The following CNTN4 variants were observed in gnomAD, a reference collection of about 807,000 sequenced individuals.
CNTN4 encodes the protein contactin-4.
In CNTN4, 77 loss-of-function variants were observed where a neutral mutation model predicts 122.5. The observed-to-expected ratio is 0.63, with a 90% CI of 0.52 to 0.76. The LOEUF (loss-of-function observed/expected upper bound fraction) is 0.76, where lower values mean the gene tolerates loss of function less well. CNTN4 is among the 30% of genes least tolerant of loss of function. The probability of loss-of-function intolerance (pLI) is 0.00; values close to 1 mark genes in which losing one functional copy is unlikely to be tolerated. For synonymous variants in CNTN4, 512 were observed against 447.0 expected (o/e 1.15, Z -1.83); for missense variants, 1,256 against 1,259.1 (o/e 1.00, Z 0.04).
At chr3:2,585,389 C>T (rs56011304) in intron 4 of CNTN4, among the ~76,000 whole-genome samples, 23,435 of 151,438 alleles carry the variant, frequency 0.15, 2,075 homozygotes, top group Middle Eastern at 0.21. Context: ...CACATGCACA[C>T]GTATGTTTAT....
chr3:2,975,031 C>CA (rs937500955), intron 13 of CNTN4, among the ~76,000 whole-genome samples: 25 of 152,130 alleles, frequency 1.6e-4, no homozygotes, highest in African/African-American at 6.0e-4. Context: ...GTCTTCCAGG[C>CA]ATTTTAGTTA....
intron 2 of CNTN4, among the ~76,000 whole-genome samples, chr3:2,187,614 G>A (rs1029052746): frequency 1.6e-4 from 24 of 152,198 alleles, no homozygotes; most frequent in Middle Eastern, 3.4e-3. Context: ...ACATTCTGCC[G>A]GGTTCCGTCT....
intron 3 of CNTN4, among the ~76,000 whole-genome samples, chr3:2,354,501 A>G (rs1162836270): frequency 2.0e-5 from 3 of 152,220 alleles, no homozygotes; most frequent in African/African-American, 7.2e-5. Flanking sequence ...ACTGCACTGC[A>G]GCCTGGGTGG....
Position 2,694,036 on chromosome 3 carries a change from A to G in CNTN4, c.56-42179A>G, listed in dbSNP as rs188039982. Among the ~76,000 whole-genome samples the G allele has an allele frequency of 3.9e-3, 599 of 152,192 alleles. 7 individuals carry two copies. The highest frequency in any genetic ancestry group is 5.0e-3 in the Admixed American group (77 of 15,266). ...CCACTTCCCCGTTTACTTACATCTT[A>G]TACTCAAATTATATTAAACTCTCCA... On this transcript the variant is annotated intron_variant, in intron 4 of 24. Transcript: ENST00000418658.
intron 7 of CNTN4, among the ~76,000 whole-genome samples, chr3:2,848,951 T>C (rs1374508020): frequency 6.6e-6 from 1 of 152,192 alleles, no homozygotes; most frequent in Non-Finnish European, 1.5e-5. Context: ...GGAGAAATGA[T>C]TCCTGATTTT....
intron 6 of CNTN4, among the ~76,000 whole-genome samples, chr3:2,755,199 G>C (rs536956349): frequency 1.3e-5 from 2 of 152,144 alleles, no homozygotes; most frequent in Non-Finnish European, 2.9e-5. Context: ...CAGTCGATCA[G>C]AACAGTAGCT....
intron 3 of CNTN4, among the ~76,000 whole-genome samples, chr3:2,431,151 A>C (rs1183957682): frequency 1.3e-5 from 2 of 152,242 alleles, no homozygotes; most frequent in Non-Finnish European, 2.9e-5. Context: ...AAAAATCATG[A>C]ATAATCTAAT....
chr3:2,222,132 A>C (rs907259011), intron 2 of CNTN4, among the ~76,000 whole-genome samples: 1 of 152,214 alleles, frequency 6.6e-6, no homozygotes, highest in African/African-American at 2.4e-5. Context: ...ATAGTTGCCA[A>C]AAAGTGGAAT....
In CNTN4 at chr3:2,758,388, T is replaced by C. The variant is rs530612516; in HGVS notation, c.358+12691T>C. On this transcript the variant is annotated intron_variant, in intron 6 of 24. Coordinates refer to ENST00000418658, the MANE Select transcript of CNTN4 (RefSeq NM_175607.3). ...ATTTCCTCTTGAATATTCTATTTCC[T>C]TAAACAAAGAAATAGAATATTCTAT... Among the ~76,000 whole-genome samples the C allele has an allele frequency of 5.3e-5, 8 of 152,276 alleles. No homozygotes were observed. The South Asian group carries it at 1.7e-3, about 32-fold the overall frequency.
At chr3:2,363,324 T>A (rs1239013118) in intron 3 of CNTN4, among the ~76,000 whole-genome samples, 2 of 152,222 alleles carry the variant, frequency 1.3e-5, no homozygotes, top group African/African-American at 4.8e-5. Flanking sequence ...CTCTTCTTCC[T>A]CTAAAGCAGG....
chr3:2,902,310 C>T (rs2094183564), intron 11 of CNTN4, among the ~76,000 whole-genome samples: 1 of 152,128 alleles, frequency 6.6e-6, no homozygotes, highest in East Asian at 1.9e-4. Context: ...TTGGCCGCCA[C>T]CAGATGGTCC....
intron 7 of CNTN4, among the ~76,000 whole-genome samples, chr3:2,835,882 ATGG>A (rs2093214474): frequency 6.6e-6 from 1 of 152,140 alleles, no homozygotes; most frequent in Non-Finnish European, 1.5e-5. Context: ...CCTAGGGGAA[ATGG>A]AAAGAAAGAA....
chr3:2,855,769 G>A (rs2093611726), intron 7 of CNTN4, among the ~76,000 whole-genome samples: 1 of 152,100 alleles, frequency 6.6e-6, no homozygotes, highest in Non-Finnish European at 1.5e-5. Context: ...TTTCCTTTCT[G>A]CCTTTACTGA....
intron 2 of CNTN4, among the ~76,000 whole-genome samples, chr3:2,171,108 C>G (rs73098004): frequency 0.016 from 2,499 of 152,220 alleles, 75 homozygotes; most frequent in African/African-American, 0.057. Flanking sequence ...CTGTAAAACA[C>G]GAATTCTTTA....
chr3:3,006,087 A>ACC lies in CNTN4; in HGVS notation c.1486+17615_1486+17616insCC, dbSNP rs1559779396. ...GCATTTTTAGTAGAGACGGGGTTTCAGGATGGTCTTGATCTCCTGACCTTG... is the reference window on the plus strand; with the variant it reads ...GCATTTTTAGTAGAGACGGGGTTTCACCGGATGGTCTTGATCTCCTGACCTTG... On this transcript the variant is annotated intron_variant, in intron 14 of 24. Coordinates refer to ENST00000418658, the MANE Select transcript of CNTN4 (RefSeq NM_175607.3). 6.6e-5 allele frequency among the ~76,000 whole-genome samples: 10 copies of ACC among 152,014 alleles called. No individual in the cohort carries two copies. In the East Asian group the frequency reaches 1.9e-3, roughly 30 times the overall value.
intron 3 of CNTN4, among the ~76,000 whole-genome samples, chr3:2,368,382 T>C (rs1575477291): frequency 6.6e-6 from 1 of 152,098 alleles, no homozygotes; most frequent in Admixed American, 6.5e-5. Flanking sequence ...GATCTGTGTT[T>C]TAGTTAGTCT....
chr3:2,577,910 G>T (rs935084643), intron 4 of CNTN4, among the ~76,000 whole-genome samples: 1 of 152,100 alleles, frequency 6.6e-6, no homozygotes, highest in Non-Finnish European at 1.5e-5. Context: ...ACCAACTTCA[G>T]CAATTATCTC....
intron 4 of CNTN4, among the ~76,000 whole-genome samples, chr3:2,626,637 A>C (rs1329619357): frequency 3.9e-5 from 6 of 152,232 alleles, no homozygotes; most frequent in Admixed American, 3.9e-4. Flanking sequence ...TTGGCTTGGA[A>C]GTGGTTATTT....
intron 13 of CNTN4, among the ~76,000 whole-genome samples, chr3:2,983,035 A>G (rs1023826518): frequency 4.6e-5 from 7 of 151,706 alleles, no homozygotes. Flanking sequence ...GAACACGGTG[A>G]AAACCTGTCT....
Sources: allele counts gnomAD v4.1 joint callset (sites outside exome capture counted in the v4.1 genomes callset), GRCh38; gene constraint gnomAD v4.1.1; transcripts MANE v1.5; gene names NCBI Gene and HGNC (gene_info 2026-07-23, HGNC 2026-07-21).